Variants in SMC1B observed in about 807,000 individuals in gnomAD.
SMC1B encodes the protein structural maintenance of chromosomes protein 1B.
Under a neutral mutation model 157.9 loss-of-function variants are expected in SMC1B, and 60 were observed. The observed-to-expected ratio is 0.38, with a 90% confidence interval of 0.31 to 0.47. The LOEUF is 0.47. SMC1B is among the 20% of genes least tolerant of loss of function. The pLI is 0.99. For missense variants in SMC1B, 1,165 were observed against 1,426.2 expected (o/e 0.82, Z 2.95); for synonymous variants, 445 against 483.0 (o/e 0.92, Z 1.03).
At chr22:45,358,092 T>C (rs1325723119) in intron 19 of SMC1B, among the ~76,000 whole-genome samples, 3 of 152,306 alleles carry the variant, frequency 2.0e-5, no homozygotes, top group African/African-American at 7.2e-5. Flanking sequence ...AGCTTCCAGG[T>C]TGGTGACCAC....
chr22:45,379,993 T>G (rs1365126181), intron 12 of SMC1B, among the ~76,000 whole-genome samples: 1 of 152,094 alleles, frequency 6.6e-6, no homozygotes, highest in East Asian at 1.9e-4. Context: ...AGCCTCAGCC[T>G]CCCAAAGTGC....
intron 12 of SMC1B, 109 bp from the exon 13 acceptor site, chr22:45,372,401 G>T: frequency 1.2e-6 from 1 of 856,194 alleles, no homozygotes; most frequent in Non-Finnish European, 1.7e-6. Flanking sequence ...CACCACACCT[G>T]CACCTTACCT....
In SMC1B at chr22:45,371,619, T is replaced by C. The variant is rs762631588; in HGVS notation, c.2197-32A>G. 7 of 1,569,030 alleles carry C rather than the reference T, an allele frequency of 4.5e-6. No individual in the cohort carries two copies. The Admixed American group carries it at 1.2e-4, about 26-fold the overall frequency. ...ACAAAAGAGAAAAATTTTTTTAACA[T>C]GGCTGTTTTAGCTTTATATAGTGAA... On this transcript the variant is annotated intron_variant, in intron 13 of 24. Coordinates refer to ENST00000357450, the MANE Select transcript of SMC1B (RefSeq NM_148674.5).
At chr22:45,366,215 T>A (rs547098271) in intron 15 of SMC1B, among the ~76,000 whole-genome samples, 2 of 152,166 alleles carry the variant, frequency 1.3e-5, no homozygotes, top group African/African-American at 4.8e-5. Context: ...GTAGAGATGA[T>A]GTTTCGCCAT....
chr22:45,391,638 C>T (rs1362894968), intron 9 of SMC1B, among the ~76,000 whole-genome samples: 1 of 152,182 alleles, frequency 6.6e-6, no homozygotes, highest in East Asian at 1.9e-4. Flanking sequence ...CAATCACCTC[C>T]TCCGAGCAAC....
At chr22:45,386,377 G>A (rs1272304609) in intron 11 of SMC1B, among the ~76,000 whole-genome samples, 1 of 148,956 alleles carries the variant, frequency 6.7e-6, no homozygotes, top group Non-Finnish European at 1.5e-5. Flanking sequence ...ATTCCCTCAA[G>A]ATACTTGTAT....
chr22:45,371,793 AG>A (rs2086835242), intron 13 of SMC1B, among the ~76,000 whole-genome samples: 1 of 152,202 alleles, frequency 6.6e-6, no homozygotes, highest in Non-Finnish European at 1.5e-5. Context: ...AAAATTGGCC[AG>A]GCATGGTGGC....
chr22:45,381,180 A>T (rs1422398039), intron 12 of SMC1B, among the ~76,000 whole-genome samples: 2 of 151,950 alleles, frequency 1.3e-5, no homozygotes, highest in Admixed American at 6.6e-5. Flanking sequence ...AATTTCCTTA[A>T]TGCTCCATTA....
intron 6 of SMC1B, among the ~76,000 whole-genome samples, 192 bp downstream of exon 6, chr22:45,398,903 T>A (rs537318500): frequency 6.6e-6 from 1 of 152,244 alleles, no homozygotes; most frequent in African/African-American, 2.4e-5. Flanking sequence ...AGCGAGACCC[T>A]CTCTCTACAA....
intron 2 of SMC1B, among the ~76,000 whole-genome samples, chr22:45,408,223 T>C (rs1156913823): frequency 1.3e-5 from 2 of 152,170 alleles, no homozygotes; most frequent in Non-Finnish European, 1.5e-5. Context: ...CCTCCCGGGT[T>C]CATGCCATTC....
At chr22:45,347,824 G>A (rs1266118263) in intron 23 of SMC1B, among the ~76,000 whole-genome samples, 2 of 152,144 alleles carry the variant, frequency 1.3e-5, no homozygotes, top group Non-Finnish European at 2.9e-5. Context: ...CACCCTGTAA[G>A]CAGCCGTTAA....
intron 6 of SMC1B, among the ~76,000 whole-genome samples, chr22:45,397,773 C>A (rs1203889066): frequency 6.6e-6 from 1 of 152,170 alleles, no homozygotes; most frequent in South Asian, 2.1e-4. Flanking sequence ...AAGCCCCAGA[C>A]CCAGCTACAC....
At chr22:45,369,786 C>T (rs551355726) in intron 15 of SMC1B, 168 bp downstream of exon 15, 29 of 452,656 alleles carry the variant, frequency 6.4e-5, no homozygotes, top group African/African-American at 1.7e-4. Context: ...CCTCGTGATC[C>T]GCCTGCCTTG....
At chr22:45,395,871 T>C (rs1569194810) in intron 7 of SMC1B, among the ~76,000 whole-genome samples, 2 of 151,988 alleles carry the variant, frequency 1.3e-5, no homozygotes. Context: ...TAATAATAGG[T>C]AGTTATATGA....
At chr22:45,354,265 T>C (rs1438853168) in intron 20 of SMC1B, 133 bp from the exon 21 acceptor site, 2 of 606,102 alleles carry the variant, frequency 3.3e-6, no homozygotes, top group Non-Finnish European at 5.4e-6. Flanking sequence ...TCAAAATACC[T>C]AAACTATTAT....
intron 12 of SMC1B, among the ~76,000 whole-genome samples, chr22:45,381,586 G>A (rs562392506): frequency 1.3e-4 from 20 of 152,276 alleles, no homozygotes; most frequent in South Asian, 1.2e-3. Context: ...CAAAAGAGAC[G>A]AAGCCCTATA....
In SMC1B at chr22:45,399,157, C is replaced by G; in HGVS notation, c.1051G>C (p.Glu351Gln). 3.7e-6 allele frequency: 6 copies of G among 1,614,022 alleles called. No homozygotes were observed. The South Asian group carries it at 6.6e-5, about 18-fold the overall frequency. Residue 351 changes from glutamate to glutamine, a missense_variant, in exon 6 of 25, where the codon GAA (glutamate) becomes CAA (glutamine). Physicochemically the swap from Glu to Gln is conservative, Grantham distance 29. Coordinates refer to ENST00000357450, the MANE Select transcript of SMC1B (RefSeq NM_148674.5). ...AAAATTTCTTCCTCAATCTGCTTTT[C>G]AAAACTTCTCCATGCAGCATCTAAA... The part of the protein sequence containing the change: ...ADLDAAWRSF[E>Q]KQIEEEILHK...
intron 15 of SMC1B, among the ~76,000 whole-genome samples, chr22:45,364,112 G>C (rs184017846): frequency 6.6e-6 from 1 of 152,140 alleles, no homozygotes; most frequent in Admixed American, 6.6e-5. Flanking sequence ...GCCTCCCAAA[G>C]TGCTGGAATT....
At chr22:45,407,300 G>A (rs752622534) in intron 2 of SMC1B, among the ~76,000 whole-genome samples, 1 of 152,098 alleles carries the variant, frequency 6.6e-6, no homozygotes, top group Non-Finnish European at 1.5e-5. Context: ...GAAATTCCTT[G>A]TGGGCCCCAA....
Sources: allele counts gnomAD v4.1 joint callset (sites outside exome capture counted in the v4.1 genomes callset), GRCh38; gene constraint gnomAD v4.1.1; transcripts MANE v1.5; gene names NCBI Gene and HGNC (gene_info 2026-07-23, HGNC 2026-07-21).